ASAP2: variants seen among roughly 807,000 people sequenced by gnomAD.
ASAP2 encodes the protein ArfGAP with SH3 domain, ankyrin repeat and PH domain 2.
A neutral mutation model predicts 131.4 loss-of-function variants in ASAP2; 45 were observed. The observed-to-expected ratio is 0.34, with a 90% CI of 0.27 to 0.44. The LOEUF (loss-of-function observed/expected upper bound fraction) is 0.44. ASAP2 is among the 20% of genes least tolerant of loss of function. The probability of loss-of-function intolerance (pLI) is 1.00; values close to 1 mark genes in which losing one functional copy is unlikely to be tolerated. For missense variants in ASAP2, 1,011 were observed against 1,297.0 expected (o/e 0.78, Z 3.39); for synonymous variants, 510 against 503.0 (o/e 1.01, Z -0.19).
At chr2:9,283,014 C>T (rs72773400) in intron 2 of ASAP2, among the ~76,000 whole-genome samples, 29,691 of 152,274 alleles carry the variant, frequency 0.19, 3,368 homozygotes, top group Non-Finnish European at 0.27. Flanking sequence ...CCATTTTCAT[C>T]AAGCCTTAGC....
chr2:9,312,579 A>G (rs1040123622), intron 3 of ASAP2, among the ~76,000 whole-genome samples: 9 of 152,186 alleles, frequency 5.9e-5, no homozygotes, highest in African/African-American at 2.2e-4. Context: ...AAGTTCCATG[A>G]TGTCTCAGTC....
At position 9,207,294 on chromosome 2, in the gene ASAP2, C is replaced by T. The variant is rs1572156171; in HGVS notation, c.126+64C>T. ...CCGCGCCCCAGCCCCGCCCGCCGCT[C>T]CCGCATCCGCATCCCGAGAAAACTT... On this transcript the variant is annotated intron_variant, in intron 1 of 27. Transcript: ENST00000281419. This position sits in a 1 kb window ranked among gnomAD's most constrained non-coding sequence, Gnocchi z 4.1. 1.0e-5 allele frequency: 15 copies of T among 1,455,552 alleles called. No homozygotes were observed. In the East Asian group the frequency reaches 4.1e-4, roughly 39 times the overall value. 90.2% of individuals were successfully genotyped at this position (1,455,552 alleles called of 1,614,324 possible).
intron 2 of ASAP2, among the ~76,000 whole-genome samples, chr2:9,284,498 A>G (rs1299347410): frequency 6.6e-6 from 1 of 152,188 alleles, no homozygotes; most frequent in Non-Finnish European, 1.5e-5. Context: ...TAGCAATGCC[A>G]CTCAAAAAGC....
intron 20 of ASAP2, among the ~76,000 whole-genome samples, chr2:9,381,397 AT>A (rs945723367): frequency 4.6e-5 from 7 of 152,224 alleles, no homozygotes; most frequent in South Asian, 4.1e-4. Context: ...TGTTGTGAGA[AT>A]TATTATCAAA....
Position 9,344,727 on chromosome 2 carries a change from C to A in ASAP2, c.954-4C>A. 6.2e-7 allele frequency: 1 copy of A among 1,614,110 alleles called. No individual in the cohort carries two copies. The highest frequency in any genetic ancestry group is 1.3e-5 in the African/African-American group (1 of 75,028). On this transcript the variant is annotated splice_polypyrimidine_tract_variant and splice_region_variant and intron_variant, in intron 10 of 27. Transcript: ENST00000281419. ...TCTTATTGTTTCTCCCACTTATCCA[C>A]AAGGATCCGAAAAGTGTGGCAGAAA...
At chr2:9,368,579 C>CG in intron 16 of ASAP2, 60 bp downstream of exon 16, 1 of 1,469,036 alleles carries the variant, frequency 6.8e-7, no homozygotes, top group Non-Finnish European at 9.5e-7. Context: ...GCCCGAGCCC[C>CG]GGGAGGCAGG....
chr2:9,367,979 A>G (rs1673614501), intron 15 of ASAP2, among the ~76,000 whole-genome samples: 1 of 152,310 alleles, frequency 6.6e-6, no homozygotes, highest in South Asian at 2.1e-4. Context: ...ACAGCCGGTA[A>G]TGGAGCTGTG....
At chr2:9,364,866 T>C (rs547179430) in intron 15 of ASAP2, among the ~76,000 whole-genome samples, 46 of 152,340 alleles carry the variant, frequency 3.0e-4, no homozygotes, top group South Asian at 1.0e-3. Context: ...ACGTACACTG[T>C]ATTATCTAAC....
chr2:9,385,303 G>A lies in ASAP2; in HGVS notation c.2075G>A (p.Arg692Gln). ...CACGTTCACGTTGAATATGAATGGC[G>A]ACTACTCCACGAAGACCTGGATGAA... ...NSHVHVEYEW[R>Q]LLHEDLDESD... Residue 692 changes from arginine to glutamine, a missense_variant, in exon 21 of 28, where the codon CGA becomes CAA. Physicochemically the swap from Arg to Gln is conservative, Grantham distance 43. This residue lies in a region of ASAP2 where 652 missense variants were observed against 698.9 expected (regional missense o/e 0.93). Coordinates refer to ENST00000281419, the MANE Select transcript of ASAP2 (RefSeq NM_003887.3). 8 of 1,614,194 alleles carry A rather than the reference G, an allele frequency of 5.0e-6. No homozygotes were observed. The highest frequency in any genetic ancestry group is 6.8e-6 in the Non-Finnish European group (8 of 1,180,024).
At chr2:9,270,276 C>T (rs903694892) in intron 1 of ASAP2, among the ~76,000 whole-genome samples, 6 of 152,140 alleles carry the variant, frequency 3.9e-5, no homozygotes, top group South Asian at 4.1e-4. Context: ...GCTTTTCCCC[C>T]GCTCTGAGCT....
rs770382575 is a variant in ASAP2, at chr2:9,217,905, C to T, written c.126+10675C>T. Among the ~76,000 whole-genome samples, 2 of 127,618 alleles carry T rather than the reference C, an allele frequency of 1.6e-5. No homozygotes were observed. The highest frequency in any genetic ancestry group is 2.4e-4 in the South Asian group (1 of 4,120). The allele number at this position is 127,618 out of a possible 152,430, so 83.7% of individuals were successfully genotyped here. ...CTGGGATTACAGGTGTGAGCCACCA[C>T]GCCTGGCTTTTTTTTTTTTTTACAT... On this transcript the variant is annotated intron_variant, in intron 1 of 27. Coordinates refer to ENST00000281419, the MANE Select transcript of ASAP2 (RefSeq NM_003887.3). The surrounding 1 kb of genome is among the most constrained non-coding windows in gnomAD (Gnocchi z 4.0).
At chr2:9,218,394 C>T (rs1332363745) in intron 1 of ASAP2, among the ~76,000 whole-genome samples, 1 of 152,226 alleles carries the variant, frequency 6.6e-6, no homozygotes, top group Admixed American at 6.5e-5. Context: ...GCCAAGAACA[C>T]TGTCACTGTG....
At chr2:9,256,202 G>A (rs1248245409) in intron 1 of ASAP2, among the ~76,000 whole-genome samples, 2 of 150,580 alleles carry the variant, frequency 1.3e-5, no homozygotes, top group South Asian at 4.2e-4. Flanking sequence ...AATTCTGGCA[G>A]CCCAATTAAT....
intron 27 of ASAP2, 118 bp downstream of exon 27, chr2:9,401,514 C>A: frequency 7.6e-7 from 1 of 1,320,842 alleles, no homozygotes; most frequent in South Asian, 1.5e-5. Flanking sequence ...AGATGTAGTT[C>A]CTGGTGCCTC....
At chr2:9,401,170 A>T in intron 26 of ASAP2, 104 bp from the exon 27 acceptor site, 1 of 1,439,686 alleles carries the variant, frequency 6.9e-7, no homozygotes, top group Non-Finnish European at 9.6e-7. Flanking sequence ...TCTCAGGCCT[A>T]GGTACGGGAC....
At chr2:9,369,309 G>A (rs996129210) in intron 16 of ASAP2, among the ~76,000 whole-genome samples, 2 of 152,152 alleles carry the variant, frequency 1.3e-5, no homozygotes, top group Non-Finnish European at 2.9e-5. Context: ...GTGAGGCACC[G>A]TGCCTGGCCA....
intron 20 of ASAP2, among the ~76,000 whole-genome samples, chr2:9,384,329 G>A (rs1003644985): frequency 6.6e-5 from 10 of 152,202 alleles, no homozygotes; most frequent in African/African-American, 2.2e-4. Flanking sequence ...GAAGCAAGAT[G>A]GAGTCAGCCA....
At chr2:9,254,252 T>TACACAC (rs1177773963) in intron 1 of ASAP2, among the ~76,000 whole-genome samples, 1 of 85,666 alleles carries the variant, frequency 1.2e-5, no homozygotes, top group Non-Finnish European at 2.4e-5. Context: ...TATATATATA[T>TACACAC]ATACACGTGT....
At chr2:9,241,563 G>A (rs1663968334) in intron 1 of ASAP2, among the ~76,000 whole-genome samples, 2 of 152,288 alleles carry the variant, frequency 1.3e-5, no homozygotes, top group Non-Finnish European at 1.5e-5. Context: ...GAAACATGGC[G>A]AAACCCCATC....
Sources: allele counts gnomAD v4.1 joint callset (sites outside exome capture counted in the v4.1 genomes callset), GRCh38; gene constraint gnomAD v4.1.1; regional missense constraint gnomAD v4.1.1; non-coding constraint Gnocchi (gnomAD v3.1); transcripts MANE v1.5; gene names NCBI Gene and HGNC (gene_info 2026-07-23, HGNC 2026-07-21).